Variants in YLPM1 observed in about 807,000 individuals in gnomAD.
YLPM1 encodes YLP motif-containing protein 1.
Under a neutral mutation model 230.0 loss-of-function variants are expected in YLPM1, and 99 were observed. The observed-to-expected ratio is 0.43, with a 90% CI of 0.37 to 0.51. The LOEUF (loss-of-function observed/expected upper bound fraction) is 0.51, where lower values mean the gene tolerates loss of function less well. Ranked by LOEUF, YLPM1 falls within the 20% of genes least tolerant of loss-of-function variation. The pLI is 0.00. For synonymous variants in YLPM1, 984 were observed against 942.5 expected (o/e 1.04, Z -0.81); for missense variants, 2,592 against 2,707.7 (o/e 0.96, Z 0.95).
chr14:74,816,786 C>A (rs975448848), intron 13 of YLPM1, 96 bp downstream of exon 13: 10 of 1,472,428 alleles, frequency 6.8e-6, no homozygotes, highest in Non-Finnish European at 9.0e-6. Context: ...GGGCAGGGAC[C>A]TCTCTCTTTT....
intron 11 of YLPM1, among the ~76,000 whole-genome samples, chr14:74,814,664 G>C (rs568104224): frequency 6.6e-6 from 1 of 152,194 alleles, no homozygotes; most frequent in South Asian, 2.1e-4. Context: ...ATATTTTGTT[G>C]AGGATTTTTG....
chr14:74,818,458 G>A (rs1473362629), intron 16 of YLPM1, 144 bp downstream of exon 16: 3 of 566,354 alleles, frequency 5.3e-6, no homozygotes, highest in Admixed American at 7.6e-5. Flanking sequence ...TTGAGATCAC[G>A]GTTAGTATTT....
Position 74,781,397 on chromosome 14 carries a change from T to G in YLPM1, c.1354T>G (p.Tyr452Asp), listed in dbSNP as rs759677980. The change falls in exon 4 of 21, where the codon TAC becomes GAC. Residue 452 changes from tyrosine (Y) to aspartate (D), a missense_variant. Around this residue, in one of 4 missense-constraint regions of YLPM1, gnomAD observed 1,862 missense variants for 1,819.8 expected, o/e 1.02. Transcript: ENST00000325680. ...EMQQQQFQHLYQEWEREFQLW... is the reference protein window; with the variant it reads ...EMQQQQFQHLDQEWEREFQLW... ...GCAGCAGCAACAGTTTCAACATCTTTACCAAGAATGGGAGCGAGAGTTTCA... is the reference window on the plus strand; with the variant it reads ...GCAGCAGCAACAGTTTCAACATCTTGACCAAGAATGGGAGCGAGAGTTTCA... 6.3e-7 allele frequency: 1 copy of G among 1,596,202 alleles called. No homozygotes were observed. Among genetic ancestry groups the G allele is most frequent in the Non-Finnish European group, 8.5e-7 (1 of 1,170,562 alleles).
At chr14:74,829,457 A>G in intron 19 of YLPM1, 114 bp downstream of exon 19, 2 of 1,411,216 alleles carry the variant, frequency 1.4e-6, no homozygotes, top group Non-Finnish European at 1.9e-6. Context: ...GATTTAGTTT[A>G]CGCTATGTCA....
At chr14:74,791,255 G>A (rs750072504) in intron 4 of YLPM1, among the ~76,000 whole-genome samples, 1 of 152,036 alleles carries the variant, frequency 6.6e-6, no homozygotes, top group Non-Finnish European at 1.5e-5. Flanking sequence ...GTGACAGAGT[G>A]AGACCCTGTC....
intron 9 of YLPM1, among the ~76,000 whole-genome samples, chr14:74,811,019 G>T (rs1476552132): frequency 1.3e-5 from 2 of 151,768 alleles, no homozygotes; most frequent in Non-Finnish European, 2.9e-5. Context: ...TGACGATGTG[G>T]TTTCACCATG....
At chr14:74,827,711 G>C in intron 18 of YLPM1, 1 of 985,366 alleles carries the variant, frequency 1.0e-6, no homozygotes, top group Non-Finnish European at 1.2e-6. Context: ...AAGTGTGTTG[G>C]AGCTTCTGTC....
At chr14:74,765,341 C>T (rs1486043115) in intron 1 of YLPM1, among the ~76,000 whole-genome samples, 4 of 152,104 alleles carry the variant, frequency 2.6e-5, no homozygotes, top group African/African-American at 4.8e-5. Context: ...CTCAGATTTA[C>T]CTATAAAAGA....
intron 9 of YLPM1, 115 bp from the exon 10 acceptor site, chr14:74,811,505 A>G (rs1185646633): frequency 1.2e-5 from 8 of 676,770 alleles, no homozygotes; most frequent in African/African-American, 5.7e-5. Flanking sequence ...GTAAACATTT[A>G]CTGTGTGGAG....
intron 6 of YLPM1, among the ~76,000 whole-genome samples, chr14:74,803,692 C>T (rs2091350371): frequency 6.6e-6 from 1 of 152,160 alleles, no homozygotes; most frequent in Non-Finnish European, 1.5e-5. Flanking sequence ...CTCACCATCA[C>T]CTAGTCACCC....
chr14:74,835,560 T>G (rs2091637144), intron 20 of YLPM1, 113 bp downstream of exon 20: 9 of 939,858 alleles, frequency 9.6e-6, no homozygotes. Context: ...TATTTTATAG[T>G]TCTGAAAGAG....
Position 74,798,111 on chromosome 14 carries a change from C to T in YLPM1, c.2814C>T (p.Ala938=), listed in dbSNP as rs755831350. ...VQSMETQIDK[A]QAVTQPVPLA... ...GTATGGAGACTCAAATCGACAAAGC[C>T]CAAGCTGTTACTCAGCCTGTACCCC... is the stretch of plus-strand genomic sequence containing the variant. The change falls in exon 5 of 21, where the codon GCC becomes GCT. Residue 938 remains alanine (A), a synonymous_variant. Transcript: ENST00000325680. The T allele has an allele frequency of 6.2e-7, 1 of 1,613,888 alleles. No homozygotes were observed. Among genetic ancestry groups the T allele is most frequent in the Non-Finnish European group, 8.5e-7 (1 of 1,179,868 alleles).
At chr14:74,819,272 GC>G (rs2091502312) in intron 16 of YLPM1, among the ~76,000 whole-genome samples, 1 of 139,246 alleles carries the variant, frequency 7.2e-6, no homozygotes, top group African/African-American at 2.7e-5. Context: ...TTGTCATTGT[GC>G]TTTTTTTTTT....
At position 74,798,497 on chromosome 14, in the gene YLPM1, A is replaced by G. The variant is rs1207859610; in HGVS notation, c.3200A>G (p.Asp1067Gly). The G allele has an allele frequency of 1.9e-6, 3 of 1,613,916 alleles. No homozygotes were observed. The highest frequency in any genetic ancestry group is 1.7e-6 in the Non-Finnish European group (2 of 1,179,858). The stretch of plus-strand genomic sequence containing the variant: ...GATAAGATGATGGGTAGAAGAGAAG[A>G]TAGTCGAGAGAAGATGAACAGAGGA... ...FRDKMMGRREDSREKMNRGEG... is the reference protein window; with the variant it reads ...FRDKMMGRREGSREKMNRGEG... Residue 1067 changes from aspartate (D) to glycine (G), a missense_variant, in exon 5 of 21, where the codon GAT becomes GGT. Asp to Gly is a moderately conservative substitution (Grantham distance 94, BLOSUM62 -1). Coordinates refer to ENST00000325680, the MANE Select transcript of YLPM1 (RefSeq NM_019589.3).
chr14:74,765,101 TA>T (rs2090898502), intron 1 of YLPM1, among the ~76,000 whole-genome samples: 1 of 152,294 alleles, frequency 6.6e-6, no homozygotes, highest in African/African-American at 2.4e-5. Flanking sequence ...TTGGCCAACG[TA>T]AAAAAAGTTT....
Position 74,799,522 on chromosome 14 carries a change from G to A in YLPM1, c.4225G>A (p.Asp1409Asn). The change falls in exon 5 of 21, where the codon GAT becomes AAT. Residue 1409 changes from aspartate (D) to asparagine (N), a missense_variant. Asp to Asn is a conservative substitution (Grantham distance 23, BLOSUM62 1). Coordinates refer to ENST00000325680, the MANE Select transcript of YLPM1 (RefSeq NM_019589.3). ...ERLSDRWYPS[D>N]VDRHSPMAEH... Reference sequence around the variant, plus strand: ...GTTGTCAGACAGATGGTACCCATCTGATGTGGATAGACATTCCCCCATGGC... The same window carrying A: ...GTTGTCAGACAGATGGTACCCATCTAATGTGGATAGACATTCCCCCATGGC... 1 of 1,613,974 alleles carries A rather than the reference G, an allele frequency of 6.2e-7. No individual in the cohort carries two copies. The highest frequency in any genetic ancestry group is 8.5e-7 in the Non-Finnish European group (1 of 1,179,894).
intron 4 of YLPM1, among the ~76,000 whole-genome samples, chr14:74,784,310 G>T (rs1390733556): frequency 6.6e-6 from 1 of 152,198 alleles, no homozygotes; most frequent in Non-Finnish European, 1.5e-5. Flanking sequence ...TCTCTGTGCT[G>T]GGAGGATATT....
At chr14:74,790,992 A>G (rs916342383) in intron 4 of YLPM1, among the ~76,000 whole-genome samples, 2 of 152,200 alleles carry the variant, frequency 1.3e-5, no homozygotes, top group African/African-American at 4.8e-5. Context: ...CTGTAATCCT[A>G]GCGCTGTGGG....
chr14:74,778,500 A>G lies in YLPM1; in HGVS notation c.927A>G (p.Thr309=). 2 of 1,609,448 alleles carry G rather than the reference A, an allele frequency of 1.2e-6. No homozygotes were observed. Among genetic ancestry groups the G allele is most frequent in the Non-Finnish European group, 1.7e-6 (2 of 1,177,892 alleles). ...RQHLLSLQQR[T]KVHLPGHKKG... ...ACTTGCTTAGTTTGCAACAGAGGAC[A>G]AAAGTTCATTTGCCAGGACACAAAA... The change falls in exon 2 of 21, where the codon ACA becomes ACG. Residue 309 remains threonine (T), a synonymous_variant. Transcript: ENST00000325680.
Sources: allele counts gnomAD v4.1 joint callset (sites outside exome capture counted in the v4.1 genomes callset), GRCh38; gene constraint gnomAD v4.1.1; regional missense constraint gnomAD v4.1.1; transcripts MANE v1.5; gene names NCBI Gene and HGNC (gene_info 2026-07-23, HGNC 2026-07-21).